The following FASN variants were observed in gnomAD, a reference collection of about 807,000 sequenced individuals.
The protein encoded by FASN is 3-hydroxyacyl-[acyl-carrier-protein] dehydratase.
In FASN, 50 loss-of-function variants were observed where a neutral mutation model predicts 250.0. The observed-to-expected ratio is 0.20, with a 90% CI of 0.16 to 0.25. The LOEUF (loss-of-function observed/expected upper bound fraction) is 0.25. Among genes scored for constraint, FASN ranks in the 10% least tolerant of loss-of-function variants. FASN has a pLI of 1.00. For missense variants in FASN, 3,031 were observed against 3,498.5 expected (o/e 0.87, Z 3.37); for synonymous variants, 1,909 against 1,584.0 (o/e 1.21, Z -4.87).
In FASN at chr17:82,085,167, T is replaced by G. The variant is rs2034069259; in HGVS notation, c.4288-11A>C. On this transcript the variant is annotated splice_polypyrimidine_tract_variant and intron_variant, in intron 24 of 42. Coordinates refer to ENST00000306749, the MANE Select transcript of FASN (RefSeq NM_004104.5). Reference sequence around the variant, plus strand: ...GTCAGCCAGGATGCCCTACAGCGGGTCGGGGAGGGTCAGGCCACACTCGGC... The same window carrying G: ...GTCAGCCAGGATGCCCTACAGCGGGGCGGGGAGGGTCAGGCCACACTCGGC... 1 of 1,603,186 alleles carries G rather than the reference T, an allele frequency of 6.2e-7. No homozygotes were observed.
At position 82,092,528 on chromosome 17, in the gene FASN, G is replaced by A. The variant is rs867677035; in HGVS notation, c.956C>T (p.Pro319Leu). The A allele has an allele frequency of 4.4e-6, 7 of 1,605,476 alleles. No individual in the cohort carries two copies. The highest frequency in any genetic ancestry group is 3.4e-5 in the Admixed American group (2 of 59,522). Residue 319 changes from proline (P) to leucine (L), a missense_variant, in exon 8 of 43, where the codon CCG (proline) becomes CTG (leucine). By Grantham distance (98) the Pro-to-Leu change is moderately conservative. Transcript: ENST00000306749. ...TRALCATRQE[P>L]LLIGSTKSNM... Reference sequence around the variant, plus strand: ...GGACTTGGTGGAGCCGATGAGCAGCGGCTCCTGGCGGGTGGCGCACAGGGC... The same window carrying A: ...GGACTTGGTGGAGCCGATGAGCAGCAGCTCCTGGCGGGTGGCGCACAGGGC...
intron 8 of FASN, among the ~76,000 whole-genome samples, chr17:82,092,091 T>C (rs1460294525): frequency 6.6e-6 from 1 of 152,068 alleles, no homozygotes; most frequent in African/African-American, 2.4e-5. Context: ...TGCTAGTGGG[T>C]CAGGAAGCTG....
At position 82,092,640 on chromosome 17, in the gene FASN, C is replaced by G. The variant is rs746879226; in HGVS notation, c.895-51G>C. 6 of 1,308,112 alleles carry G rather than the reference C, an allele frequency of 4.6e-6. No homozygotes were observed. In the South Asian group the frequency reaches 4.7e-5, roughly 10 times the overall value. The allele number at this position is 1,308,112 out of a possible 1,614,324, so 81.0% of individuals were successfully genotyped here. A position where few individuals can be genotyped will look rare whatever the true frequency, so the allele number is the denominator to read the frequency against. ...GCTCTGGCCAGGTCACCTCTCCAGG[C>G]ATGGGCGTAGGTTAGGCTCATGGGG... On this transcript the variant is annotated intron_variant, in intron 7 of 42. Coordinates refer to ENST00000306749, the MANE Select transcript of FASN (RefSeq NM_004104.5).
rs1226499626 is a variant in FASN, at chr17:82,098,193, C to G, written c.-80G>C. 3 of 365,068 alleles carry G rather than the reference C, an allele frequency of 8.2e-6. No homozygotes were observed. Among genetic ancestry groups the G allele is most frequent in the African/African-American group, 6.4e-5 (3 of 47,050 alleles). The allele number at this position is 365,068 out of a possible 1,614,324, so 22.6% of individuals were successfully genotyped here. A position where few individuals can be genotyped will look rare whatever the true frequency, so the allele number is the denominator to read the frequency against. ...AGCGCGGCGGAGCGGGAGGCTGAAGCGCGGCGGAGAGGGAGGCCGGGGCCG... is the reference window on the plus strand; with the variant it reads ...AGCGCGGCGGAGCGGGAGGCTGAAGGGCGGCGGAGAGGGAGGCCGGGGCCG... On this transcript the variant is annotated 5_prime_UTR_variant, in exon 1 of 43. Coordinates refer to ENST00000306749, the MANE Select transcript of FASN (RefSeq NM_004104.5).
Position 82,083,908 on chromosome 17 carries a change from G to C in FASN, c.5099-17C>G. 6.4e-7 allele frequency: 1 copy of C among 1,557,154 alleles called. No homozygotes were observed. Among genetic ancestry groups the C allele is most frequent in the East Asian group, 2.4e-5 (1 of 42,152 alleles). ...CAGCCGACCCTGGTGAAGAGAGGAAGCGCGGCTGGTGAGCCAGGGCGGCGG... is the reference window on the plus strand; with the variant it reads ...CAGCCGACCCTGGTGAAGAGAGGAACCGCGGCTGGTGAGCCAGGGCGGCGG... On this transcript the variant is annotated splice_polypyrimidine_tract_variant and intron_variant, in intron 29 of 42. Transcript: ENST00000306749.
At position 82,083,405 on chromosome 17, in the gene FASN, T is replaced by C. The variant is rs779239798; in HGVS notation, c.5362A>G (p.Asn1788Asp). 1 of 1,612,646 alleles carries C rather than the reference T, an allele frequency of 6.2e-7. No homozygotes were observed. The highest frequency in any genetic ancestry group is 1.3e-5 in the African/African-American group (1 of 74,924). ...HPLGMAIFLK[N>D]VTFHGVLLDA... ...AGTAGGACCCCGTGGAATGTCACGT[T>C]CTTCAGGAAGATAGCCATGCCTGCG... The change falls in exon 32 of 43, where the codon AAC becomes GAC. Residue 1788 changes from asparagine to aspartate, a missense_variant. By Grantham distance (23) the Asn-to-Asp change is conservative. Transcript: ENST00000306749.
At chr17:82,093,470 C>T (rs769212641) in intron 4 of FASN, 51 bp from the exon 5 acceptor site, 1 of 1,579,848 alleles carries the variant, frequency 6.3e-7, no homozygotes, top group Admixed American at 1.8e-5. Flanking sequence ...ACACGAGACC[C>T]CTGAGCACAC....
Position 82,090,574 on chromosome 17 carries a change from G to A in FASN, c.1681-10C>T, listed in dbSNP as rs1216208488. On this transcript the variant is annotated splice_polypyrimidine_tract_variant and intron_variant, in intron 10 of 42. Coordinates refer to ENST00000306749, the MANE Select transcript of FASN (RefSeq NM_004104.5). ...GGTCTATGAGGCCTATCTGGGGTGG[G>A]AACAGGACACTCAGGTTGCAACCTC... The A allele has an allele frequency of 1.2e-5, 20 of 1,608,676 alleles. No homozygotes were observed. The highest frequency in any genetic ancestry group is 3.4e-5 in the Admixed American group (2 of 59,678).
Position 82,096,458 on chromosome 17 carries a change from G to T in FASN, c.-7-6C>A. 1 of 1,610,558 alleles carries T rather than the reference G, an allele frequency of 6.2e-7. No individual in the cohort carries two copies. The highest frequency in any genetic ancestry group is 1.1e-5 in the South Asian group (1 of 91,086). ...CCACCTCCTCCATGGCTGCTCTGCA[G>T]GGCGGGCGGTGTGAGTGCCCCACAC... On this transcript the variant is annotated splice_polypyrimidine_tract_variant and splice_region_variant and intron_variant, in intron 1 of 42. Coordinates refer to ENST00000306749, the MANE Select transcript of FASN (RefSeq NM_004104.5).
At position 82,087,336 on chromosome 17, in the gene FASN, T is replaced by A. The variant is rs2034123346; in HGVS notation, c.3212A>T (p.Asp1071Val). 6.2e-7 allele frequency: 1 copy of A among 1,611,744 alleles called. No homozygotes were observed. Residue 1071 changes from aspartate to valine, a missense_variant, in exon 20 of 43, where the codon GAC becomes GTC. Physicochemically the swap from Asp to Val is radical, Grantham distance 152 (BLOSUM62 -3). Transcript: ENST00000306749. ...THRQKLYTLQ[D>V]KAQVADVVVS... Reference sequence around the variant, plus strand: ...TGGGGCGGGGCTACCTTGGGCCTTGTCCTGCAGTGTGTACAGCTTCTGCCT... The same window carrying A: ...TGGGGCGGGGCTACCTTGGGCCTTGACCTGCAGTGTGTACAGCTTCTGCCT...
intron 33 of FASN, 99 bp from the exon 34 acceptor site, chr17:82,082,777 A>G: frequency 6.4e-7 from 1 of 1,555,716 alleles, no homozygotes; most frequent in Non-Finnish European, 8.7e-7. Context: ...AGCCCCATCC[A>G]GCAAGCCCCC....
intron 19 of FASN, 61 bp downstream of exon 19, chr17:82,087,624 G>T: frequency 6.2e-7 from 1 of 1,603,564 alleles, no homozygotes; most frequent in South Asian, 1.1e-5. Context: ...TGCCCTCTGT[G>T]GTCCCCACAA....
At chr17:82,080,321 G>A in intron 40 of FASN, 49 bp downstream of exon 40, 1 of 1,609,784 alleles carries the variant, frequency 6.2e-7, no homozygotes, top group Non-Finnish European at 8.5e-7. Context: ...GGCACAGGTG[G>A]GGAGCCCAGA....
At position 82,087,965 on chromosome 17, in the gene FASN, A is replaced by G; in HGVS notation, c.2855T>C (p.Leu952Pro). 1 of 1,612,592 alleles carries G rather than the reference A, an allele frequency of 6.2e-7. No individual in the cohort carries two copies. The highest frequency in any genetic ancestry group is 8.5e-7 in the Non-Finnish European group (1 of 1,179,910). ...RAFEVSENGN[L>P]VVSGKVYQWD... ...CCGGCCCTGCTTACCACTCACTACC[A>G]GGTTGCCGTTCTCTGACACCTCGAA... The change falls in exon 18 of 43, where the codon CTG (leucine) becomes CCG (proline). Residue 952 changes from leucine (L) to proline (P), a missense_variant. Transcript: ENST00000306749.
chr17:82,080,594 C>T lies in FASN; in HGVS notation c.6827-4G>A. 1.3e-6 allele frequency: 2 copies of T among 1,554,064 alleles called. No homozygotes were observed. The highest frequency in any genetic ancestry group is 1.7e-6 in the Non-Finnish European group (2 of 1,149,628). ...TGGATGCTGTCAAGGGGCGCAGCTG[C>T]AATGGCAGTGCCGGGCACTCAGCAT... On this transcript the variant is annotated splice_region_variant and splice_polypyrimidine_tract_variant and intron_variant, in intron 39 of 42. Coordinates refer to ENST00000306749, the MANE Select transcript of FASN (RefSeq NM_004104.5).
At position 82,084,661 on chromosome 17, in the gene FASN, G is replaced by A. The variant is rs578225084; in HGVS notation, c.4620C>T (p.Asp1540=). The A allele has an allele frequency of 3.6e-5, 57 of 1,589,624 alleles. No individual in the cohort carries two copies. The African/African-American group carries it at 4.4e-4, about 12-fold the overall frequency. The change falls in exon 27 of 43, where the codon GAC becomes GAT. Residue 1540 remains aspartate (D), a synonymous_variant. Coordinates refer to ENST00000306749, the MANE Select transcript of FASN (RefSeq NM_004104.5). The part of the protein sequence containing the change: ...HAFVSTLTRG[D]LSSIRWVCSS... Reference sequence around the variant, plus strand: ...AGCAGACCCAGCGGATGGAGGACAGGTCCCCCCGGGTGAGGGTGCTCACAA... The same window carrying A: ...AGCAGACCCAGCGGATGGAGGACAGATCCCCCCGGGTGAGGGTGCTCACAA...
Position 82,087,242 on chromosome 17 carries a change from C to T in FASN, c.3235G>A (p.Val1079Met). ...LQDKAQVADVVVSRWLRVTVA... is the reference protein window; with the variant it reads ...LQDKAQVADVMVSRWLRVTVA... The stretch of plus-strand genomic sequence containing the variant: ...GTGACCCTCAGCCACCTGCTCACCA[C>T]CACGTCAGCCACTGTGGGGACAGGC... Residue 1079 changes from valine to methionine, a missense_variant, in exon 21 of 43, where the codon GTG becomes ATG. Transcript: ENST00000306749. The T allele has an allele frequency of 6.2e-6, 10 of 1,606,638 alleles. No individual in the cohort carries two copies. Among genetic ancestry groups the T allele is most frequent in the Non-Finnish European group, 7.6e-6 (9 of 1,177,810 alleles).
chr17:82,088,814 G>A lies in FASN; in HGVS notation c.2367C>T (p.His789=), dbSNP rs775986672. The A allele has an allele frequency of 1.9e-6, 3 of 1,612,588 alleles. No homozygotes were observed. The highest frequency in any genetic ancestry group is 8.5e-7 in the Non-Finnish European group (1 of 1,179,836). Residue 789 remains histidine, a synonymous_variant, in exon 15 of 43, where the codon CAC becomes CAT. Coordinates refer to ENST00000306749, the MANE Select transcript of FASN (RefSeq NM_004104.5). Reference sequence around the variant, plus strand: ...CCAGGAAGAACTCCAGGTTGTCCCTGTGATCCTTCTTCATCAGGGGGATGA... The same window carrying A: ...CCAGGAAGAACTCCAGGTTGTCCCTATGATCCTTCTTCATCAGGGGGATGA... ...CTIIPLMKKD[H]RDNLEFFLAG...
In FASN at chr17:82,084,163, C is replaced by T; in HGVS notation, c.4920-10G>A. ...CGCCTCCTCCAGCGTCCTGGGGATGCAGCAGGTGGGTCAGCACAGGCCTGG... is the reference window on the plus strand; with the variant it reads ...CGCCTCCTCCAGCGTCCTGGGGATGTAGCAGGTGGGTCAGCACAGGCCTGG... On this transcript the variant is annotated splice_polypyrimidine_tract_variant and intron_variant, in intron 28 of 42. Transcript: ENST00000306749. 1 of 1,603,270 alleles carries T rather than the reference C, an allele frequency of 6.2e-7. No individual in the cohort carries two copies. Among genetic ancestry groups the T allele is most frequent in the Non-Finnish European group, 8.5e-7 (1 of 1,175,784 alleles).
Sources: gnomAD v4.1 joint callset for allele counts (sites outside exome capture counted in the v4.1 genomes callset) on GRCh38, gnomAD v4.1.1 for gene constraint, MANE v1.5 for transcripts, NCBI Gene and HGNC (gene_info 2026-07-23, HGNC 2026-07-21) for gene names.